WDR37: variants seen among roughly 807,000 people sequenced by gnomAD.
WDR37 encodes the protein WD repeat domain 37.
In WDR37, 19 loss-of-function variants were observed where a neutral mutation model predicts 62.9. The ratio of observed to expected loss-of-function variants is 0.30; its 90% CI spans 0.21 to 0.44. The LOEUF is 0.44. Ranked by LOEUF, WDR37 falls within the 20% of genes least tolerant of loss-of-function variation. WDR37 has a pLI of 1.00. For missense variants in WDR37, 474 were observed against 657.6 expected, an observed-to-expected ratio of 0.72 and a Z score of 3.05; for synonymous variants, 250 against 260.9, an observed-to-expected ratio of 0.96 and a Z score of 0.40.
intron 5 of WDR37, among the ~76,000 whole-genome samples, chr10:1,083,779 A>G (rs543269900): frequency 1.6e-4 from 24 of 152,358 alleles, no homozygotes; most frequent in Admixed American, 3.9e-4. Context: ...CCAAAAGGCC[A>G]GGGGCCTACG....
chr10:1,084,316 C>G, intron 5 of WDR37, 87 bp from the exon 6 acceptor site: 1 of 1,512,726 alleles, frequency 6.6e-7, no homozygotes, highest in Non-Finnish European at 9.0e-7. Flanking sequence ...GTGCATTTTC[C>G]AAGACGTCTT....
intron 13 of WDR37, 191 bp downstream of exon 13, chr10:1,125,215 T>C: frequency 6.1e-6 from 4 of 656,842 alleles, no homozygotes; most frequent in Non-Finnish European, 7.5e-6. Context: ...CCACACCTAC[T>C]TCAGTGTTTT....
Position 1,093,890 on chromosome 10 carries a change from G to A in WDR37, c.649+394G>A, listed in dbSNP as rs537704554. ...GAAAAGTAGCACAGAGACACAGCAA[G>A]TTGCCAATGTCAGCATTTTTACTTC... On this transcript the variant is annotated intron_variant, in intron 8 of 13. Transcript: ENST00000263150. Among the ~76,000 whole-genome samples, 30 of 152,344 alleles carry A rather than the reference G, an allele frequency of 2.0e-4. 1 individual carries two copies. The South Asian group carries it at 6.2e-3, about 32-fold the overall frequency.
chr10:1,084,976 A>G, intron 6 of WDR37, among the ~76,000 whole-genome samples: 1 of 152,192 alleles, frequency 6.6e-6, no homozygotes, highest in East Asian at 1.9e-4. Flanking sequence ...TCTTTTTCTT[A>G]TTTGAGACGG....
At chr10:1,082,752 A>T (rs1834067932) in intron 5 of WDR37, among the ~76,000 whole-genome samples, 1 of 88,486 alleles carries the variant, frequency 1.1e-5, no homozygotes, top group African/African-American at 3.3e-5. Flanking sequence ...ACGGCACATG[A>T]TCCCCTGCAC....
Position 1,077,956 on chromosome 10 carries a change from G to A in WDR37, c.188G>A (p.Gly63Asp), listed in dbSNP as rs1833928212. Residue 63 changes from glycine (G) to aspartate (D), a missense_variant, in exon 3 of 14, where the codon GGT becomes GAT. Physicochemically the swap from Gly to Asp is moderately conservative, Grantham distance 94. Coordinates refer to ENST00000263150, the MANE Select transcript of WDR37 (RefSeq NM_014023.4). ...SVRSTLLELF[G>D]QIEREFENLY... ...CGCAGTACACTTCTGGAACTGTTTG[G>A]TCAAATAGAAAGAGAATTTGAAAAC... The A allele has an allele frequency of 6.2e-7, 1 of 1,611,504 alleles. No homozygotes were observed. The highest frequency in any genetic ancestry group is 1.7e-5 in the Admixed American group (1 of 59,700).
At chr10:1,124,886 C>T (rs2131694125) in intron 12 of WDR37, 24 bp from the exon 13 acceptor site, 1 of 1,612,890 alleles carries the variant, frequency 6.2e-7, no homozygotes, top group Non-Finnish European at 8.5e-7. Flanking sequence ...TCATGCACAA[C>T]CCACTTTTAC....
intron 1 of WDR37, among the ~76,000 whole-genome samples, chr10:1,067,794 G>A (rs1589077060): frequency 6.6e-6 from 1 of 152,140 alleles, no homozygotes; most frequent in Non-Finnish European, 1.5e-5. Flanking sequence ...GTTCACAATA[G>A]CAAAGGTATG....
At chr10:1,126,394 A>G (rs566329021) in intron 13 of WDR37, among the ~76,000 whole-genome samples, 3 of 140,780 alleles carry the variant, frequency 2.1e-5, no homozygotes, top group Non-Finnish European at 4.6e-5. Flanking sequence ...CGACAGAGCG[A>G]GACTGTGTCT....
intron 11 of WDR37, among the ~76,000 whole-genome samples, chr10:1,119,762 C>T (rs1012247919): frequency 2.0e-5 from 3 of 152,196 alleles, no homozygotes; most frequent in Admixed American, 6.5e-5. Context: ...CACTGTCTGA[C>T]GAGGAGCGGG....
intron 9 of WDR37, among the ~76,000 whole-genome samples, chr10:1,099,274 C>T (rs1042924260): frequency 2.0e-5 from 3 of 152,240 alleles, no homozygotes; most frequent in African/African-American, 4.8e-5. Context: ...GATCTTCCCA[C>T]GTGCTCAGCC....
intron 1 of WDR37, among the ~76,000 whole-genome samples, chr10:1,059,404 G>A (rs952349494): frequency 1.3e-5 from 2 of 152,060 alleles, no homozygotes; most frequent in African/African-American, 4.8e-5. Context: ...TCGTATTGCT[G>A]TTTCAAGCTA....
At chr10:1,068,539 C>T (rs1055614971) in intron 1 of WDR37, among the ~76,000 whole-genome samples, 8 of 151,996 alleles carry the variant, frequency 5.3e-5, no homozygotes, top group African/African-American at 1.9e-4. Flanking sequence ...GTATACCTGG[C>T]ACAAAATTTC....
At chr10:1,126,379 C>G (rs374867074) in intron 13 of WDR37, among the ~76,000 whole-genome samples, 3 of 147,288 alleles carry the variant, frequency 2.0e-5, no homozygotes, top group Non-Finnish European at 4.5e-5. Flanking sequence ...GCACTCCAGC[C>G]TGGGCGACAG....
chr10:1,101,292 C>T (rs1038102792), intron 9 of WDR37, among the ~76,000 whole-genome samples: 10 of 152,166 alleles, frequency 6.6e-5, no homozygotes, highest in African/African-American at 2.2e-4. Context: ...GCTGGAAGCC[C>T]GAGATGAGGG....
chr10:1,092,235 G>A (rs1007391668), intron 7 of WDR37, among the ~76,000 whole-genome samples: 7 of 151,658 alleles, frequency 4.6e-5, no homozygotes, highest in African/African-American at 1.2e-4. Context: ...GGCTGGGTGC[G>A]GTGGCTCACG....
At chr10:1,089,524 C>G (rs1345067652) in intron 7 of WDR37, among the ~76,000 whole-genome samples, 1 of 152,154 alleles carries the variant, frequency 6.6e-6, no homozygotes, top group Non-Finnish European at 1.5e-5. Flanking sequence ...AGGAAGAAGT[C>G]TCTTCCTGTT....
chr10:1,075,726 A>C (rs948616746), intron 2 of WDR37, among the ~76,000 whole-genome samples: 1 of 151,752 alleles, frequency 6.6e-6, no homozygotes, highest in African/African-American at 2.4e-5. Context: ...GGGCAGGGAA[A>C]ATACTAATAG....
At chr10:1,115,703 C>T (rs565023907) in intron 11 of WDR37, among the ~76,000 whole-genome samples, 5 of 152,248 alleles carry the variant, frequency 3.3e-5, no homozygotes, top group South Asian at 4.1e-4. Context: ...TTGGAAAGGA[C>T]GCATGTGGTC....
Sources: gnomAD v4.1 joint callset for allele counts (sites outside exome capture counted in the v4.1 genomes callset) on GRCh38, gnomAD v4.1.1 for gene constraint, MANE v1.5 for transcripts, NCBI Gene and HGNC (gene_info 2026-07-23, HGNC 2026-07-21) for gene names.